The following PACC1 variants were observed in gnomAD, a reference collection of about 807,000 sequenced individuals.
PACC1 encodes the protein proton activated chloride channel 1.
Under a neutral mutation model 39.7 loss-of-function variants are expected in PACC1, and 34 were observed. The observed-to-expected ratio is 0.86, with a 90% CI of 0.65 to 1.14. The LOEUF (loss-of-function observed/expected upper bound fraction) is 1.14, where lower values mean the gene tolerates loss of function less well. Among genes scored for constraint, PACC1 ranks in the 50% most tolerant of loss-of-function variants. PACC1 has a pLI of 0.00. For missense variants in PACC1, 379 were observed against 436.4 expected, an observed-to-expected ratio of 0.87 and a Z score of 1.17; for synonymous variants, 127 against 160.6, an observed-to-expected ratio of 0.79 and a Z score of 1.58.
chr1:212,374,950 G>C (rs1330427301), intron 7 of PACC1, among the ~76,000 whole-genome samples: 2 of 152,118 alleles, frequency 1.3e-5, no homozygotes, highest in African/African-American at 4.8e-5. Flanking sequence ...CCTTTACAGA[G>C]AAAGTCTAGT....
At chr1:212,368,998 C>A (rs1292158551) in intron 7 of PACC1, among the ~76,000 whole-genome samples, 1 of 149,452 alleles carries the variant, frequency 6.7e-6, no homozygotes, top group African/African-American at 2.5e-5. Flanking sequence ...TGCACTCCAG[C>A]CTGGGTGACA....
At chr1:212,401,810 A>G (rs1661726238) in intron 2 of PACC1, among the ~76,000 whole-genome samples, 2 of 150,954 alleles carry the variant, frequency 1.3e-5, no homozygotes, top group African/African-American at 4.9e-5. Flanking sequence ...AGTAACTGGG[A>G]TTACAGGTGT....
intron 2 of PACC1, among the ~76,000 whole-genome samples, chr1:212,394,203 A>T (rs2102515749): frequency 6.6e-6 from 1 of 152,344 alleles, no homozygotes; most frequent in Non-Finnish European, 1.5e-5. Context: ...ACACTGGCAA[A>T]CCGAATCCAG....
chr1:212,365,905 TAAG>T (rs899965622), intron 7 of PACC1, among the ~76,000 whole-genome samples: 16 of 152,334 alleles, frequency 1.1e-4, no homozygotes, highest in Middle Eastern at 3.4e-3. Context: ...ACCCAGTCCA[TAAG>T]AAGGTGAGCT....
rs1558168450 is a variant in PACC1, at chr1:212,380,053, G to T, written c.496-16C>A. ...GGGCAGATTTCTGCAGAGAGAAAAAGGACAGAGTCTCAGTCCTGGGAGAGT... is the reference window on the plus strand; with the variant it reads ...GGGCAGATTTCTGCAGAGAGAAAAATGACAGAGTCTCAGTCCTGGGAGAGT... On this transcript the variant is annotated splice_polypyrimidine_tract_variant and intron_variant, in intron 4 of 7. Transcript: ENST00000261455. 3.1e-6 allele frequency: 5 copies of T among 1,613,282 alleles called. No individual in the cohort carries two copies. Among genetic ancestry groups the T allele is most frequent in the Non-Finnish European group, 3.4e-6 (4 of 1,179,828 alleles).
At chr1:212,395,404 A>T (rs1430750132) in intron 2 of PACC1, among the ~76,000 whole-genome samples, 1 of 152,196 alleles carries the variant, frequency 6.6e-6, no homozygotes, top group Non-Finnish European at 1.5e-5. Context: ...CTGAAACTGG[A>T]TCCCTTCCTT....
chr1:212,396,492 G>A (rs1390232018), intron 2 of PACC1, among the ~76,000 whole-genome samples: 2 of 151,908 alleles, frequency 1.3e-5, no homozygotes, highest in African/African-American at 2.4e-5. Flanking sequence ...TGTAAATGAC[G>A]AGTTAATTGG....
intron 2 of PACC1, among the ~76,000 whole-genome samples, chr1:212,396,815 T>G (rs1018782411): frequency 6.9e-6 from 1 of 145,836 alleles, no homozygotes. Context: ...TATCTATCTA[T>G]CTATCTATCT....
intron 2 of PACC1, among the ~76,000 whole-genome samples, chr1:212,390,889 G>T (rs905565456): frequency 2.0e-5 from 3 of 152,230 alleles, no homozygotes; most frequent in Non-Finnish European, 4.4e-5. Flanking sequence ...CAGTGAGGCT[G>T]GGGGAGGGGC....
chr1:212,401,708 C>T (rs1214125128), intron 2 of PACC1, among the ~76,000 whole-genome samples: 5 of 142,386 alleles, frequency 3.5e-5, no homozygotes, highest in African/African-American at 1.0e-4. Flanking sequence ...GAGTCTCCCT[C>T]TGTCACCCAG....
chr1:212,414,549 T>A (rs111501492), intron 1 of PACC1, among the ~76,000 whole-genome samples, 173 bp downstream of exon 1: 1 of 152,090 alleles, frequency 6.6e-6, no homozygotes, highest in African/African-American at 2.4e-5. Flanking sequence ...GCTTCCTTCC[T>A]GCCCCTGGGC....
At chr1:212,368,619 TG>T (rs762731667) in intron 7 of PACC1, among the ~76,000 whole-genome samples, 2 of 144,398 alleles carry the variant, frequency 1.4e-5, no homozygotes, top group African/African-American at 5.2e-5. Context: ...CTCACAGAAT[TG>T]ATCAAGCAGA....
At position 212,384,502 on chromosome 1, in the gene PACC1, C is replaced by G. The variant is rs562849278; in HGVS notation, c.495+772G>C. Among the ~76,000 whole-genome samples the G allele has an allele frequency of 3.0e-4, 46 of 152,318 alleles. 2 individuals are homozygous for G. The South Asian group carries it at 9.1e-3, about 30-fold the overall frequency. On this transcript the variant is annotated intron_variant, in intron 4 of 7. Coordinates refer to ENST00000261455, the MANE Select transcript of PACC1 (RefSeq NM_018252.3). ...CACCAACTGCAATTGTGCCCAGAGG[C>G]ACAAGTACAACATGTCGTCTCTTCC...
chr1:212,395,169 C>T (rs1661467078), intron 2 of PACC1, among the ~76,000 whole-genome samples: 2 of 152,192 alleles, frequency 1.3e-5, no homozygotes, highest in African/African-American at 2.4e-5. Context: ...AGGCATCACG[C>T]TACCTGACTT....
intron 1 of PACC1, among the ~76,000 whole-genome samples, chr1:212,411,969 C>T (rs547222894): frequency 6.6e-6 from 1 of 152,110 alleles, no homozygotes; most frequent in Admixed American, 6.5e-5. Flanking sequence ...GGTGAAACCC[C>T]ATCTCTACTA....
Position 212,365,101 on chromosome 1 carries a change from G to T in PACC1, c.*114C>A. 9.1e-7 allele frequency: 1 copy of T among 1,104,074 alleles called. No homozygotes were observed. The highest frequency in any genetic ancestry group is 1.3e-6 in the Non-Finnish European group (1 of 792,226). 68.4% of individuals were successfully genotyped at this position (1,104,074 alleles called of 1,614,324 possible). A position where few individuals can be genotyped will look rare whatever the true frequency, so the allele number is the denominator to read the frequency against. On this transcript the variant is annotated 3_prime_UTR_variant, in exon 8 of 8. Transcript: ENST00000261455. ...CCAGTTTTACATGCTGTTCCTCCCA[G>T]CAAGGCCCCATTTCTTCAAGTGAGT...
intron 2 of PACC1, among the ~76,000 whole-genome samples, chr1:212,407,621 C>T (rs1456304630): frequency 2.0e-5 from 3 of 152,138 alleles, no homozygotes; most frequent in East Asian, 1.9e-4. Context: ...TAAAAGAATG[C>T]TTATTGTTTT....
intron 2 of PACC1, among the ~76,000 whole-genome samples, chr1:212,399,615 T>C (rs989335260): frequency 2.6e-5 from 4 of 152,094 alleles, no homozygotes; most frequent in African/African-American, 9.7e-5. Flanking sequence ...GATTTTTGGC[T>C]CACTGCAACC....
Position 212,386,221 on chromosome 1 carries a change from A to G in PACC1, c.343+670T>C, listed in dbSNP as rs1661093981. ...GGCATCTGTGGGCAGAACAGGTGGC[A>G]CACACTGGGTGGACAGGGCCCAAGT... On this transcript the variant is annotated intron_variant, in intron 3 of 7. Coordinates refer to ENST00000261455, the MANE Select transcript of PACC1 (RefSeq NM_018252.3). The surrounding 1 kb of genome is among the most constrained non-coding windows in gnomAD (Gnocchi z 5.0). Among the ~76,000 whole-genome samples, 2 of 152,078 alleles carry G rather than the reference A, an allele frequency of 1.3e-5. No homozygotes were observed. The highest frequency in any genetic ancestry group is 4.1e-4 in the South Asian group (2 of 4,832).
Sources: allele counts gnomAD v4.1 joint callset (sites outside exome capture counted in the v4.1 genomes callset), GRCh38; gene constraint gnomAD v4.1.1; non-coding constraint Gnocchi (gnomAD v3.1); transcripts MANE v1.5; gene names NCBI Gene and HGNC (gene_info 2026-07-23, HGNC 2026-07-21).